The following SLC24A2 variants were observed in gnomAD, a reference collection of about 807,000 sequenced individuals.
SLC24A2 encodes the protein solute carrier family 24 member 2, also known as sodium/potassium/calcium exchanger 2.
SLC24A2 carries 36 observed loss-of-function variants against 62.0 expected under a neutral mutation model. The observed-to-expected ratio is 0.58, with a 90% CI of 0.44 to 0.77. SLC24A2 has a LOEUF of 0.77. Ranked by LOEUF, SLC24A2 falls within the 30% of genes least tolerant of loss-of-function variation. The pLI is 0.00. For synonymous variants in SLC24A2, 358 were observed against 294.0 expected, an observed-to-expected ratio of 1.22 and a Z score of -2.23; for missense variants, 846 against 817.9, an observed-to-expected ratio of 1.03 and a Z score of -0.42.
chr9:20,164,241 AG>A, the SLC24A2 span, among the ~76,000 whole-genome samples: 1 of 152,086 alleles, frequency 6.6e-6, no homozygotes, highest in African/African-American at 2.4e-5. Context: ...CATCTGACAA[AG>A]GGCTAATATC....
Position 19,649,013 on chromosome 9 carries a change from A to AAAC in SLC24A2, c.931-26715_931-26714insGTT, listed in dbSNP as rs1554691784. Among the ~76,000 whole-genome samples, 10 of 148,838 alleles carry AAAC rather than the reference A, an allele frequency of 6.7e-5. No individual in the cohort carries two copies. In the East Asian group the frequency reaches 1.9e-3, roughly 29 times the overall value. On this transcript the variant is annotated intron_variant, in intron 2 of 10. Coordinates refer to ENST00000341998, the MANE Select transcript of SLC24A2 (RefSeq NM_020344.4). Reference sequence around the variant, plus strand: ...TTTGATTAAAAACCAAAAAAAAAAAAAAAAAACAAAAAACCCAGTAATTCT... The same window carrying AAAC: ...TTTGATTAAAAACCAAAAAAAAAAAAAACAAAAAACAAAAAACCCAGTAATTCT...
chr9:19,683,647 T>C (rs1819788989), intron 2 of SLC24A2, among the ~76,000 whole-genome samples: 1 of 152,102 alleles, frequency 6.6e-6, no homozygotes, highest in Non-Finnish European at 1.5e-5. Flanking sequence ...CCACTTATTT[T>C]AAATGGAGGC....
the SLC24A2 span, among the ~76,000 whole-genome samples, chr9:20,256,022 T>C: frequency 6.6e-6 from 1 of 152,178 alleles, no homozygotes; most frequent in Non-Finnish European, 1.5e-5. Flanking sequence ...ATTCTTTATA[T>C]ATAATCCCAT....
chr9:19,616,873 C>A, intron 4 of SLC24A2, among the ~76,000 whole-genome samples: 1 of 151,396 alleles, frequency 6.6e-6, no homozygotes. Context: ...GAAAAATGGG[C>A]AGGAGTAACG....
the SLC24A2 span, among the ~76,000 whole-genome samples, chr9:19,888,497 A>T: frequency 6.6e-6 from 1 of 152,130 alleles, no homozygotes; most frequent in East Asian, 1.9e-4. Flanking sequence ...TTCCCTATTT[A>T]GAGTGATTAA....
the SLC24A2 span, among the ~76,000 whole-genome samples, chr9:19,934,194 C>T: frequency 2.6e-5 from 4 of 152,146 alleles, no homozygotes; most frequent in Non-Finnish European, 5.9e-5. This position sits in a 1 kb window ranked among gnomAD's most constrained non-coding sequence, Gnocchi z 4.1. Flanking sequence ...GCTTTTATGA[C>T]GCCTACAGCC....
chr9:19,992,213 C>T, the SLC24A2 span, among the ~76,000 whole-genome samples: 25 of 152,090 alleles, frequency 1.6e-4, no homozygotes, highest in South Asian at 8.3e-4. Context: ...CTGTATATAC[C>T]GGGGGGATGT....
the SLC24A2 span, among the ~76,000 whole-genome samples, chr9:19,882,164 G>A: frequency 6.6e-6 from 1 of 152,246 alleles, no homozygotes; most frequent in East Asian, 1.9e-4. Flanking sequence ...TTTAGAGGCT[G>A]CTGTTAAATA....
chr9:20,287,814 C>T, the SLC24A2 span, among the ~76,000 whole-genome samples: 2 of 152,300 alleles, frequency 1.3e-5, no homozygotes, highest in Non-Finnish European at 2.9e-5. Flanking sequence ...CCAGTTAATT[C>T]TTCAGTCTCA....
chr9:19,986,917 A>C, the SLC24A2 span, among the ~76,000 whole-genome samples: 19 of 152,258 alleles, frequency 1.2e-4, 1 homozygote, highest in East Asian at 2.9e-3. Context: ...GTTCAGTTTA[A>C]AATGGTTAAT....
chr9:19,525,488 T>TC (rs1326160856), intron 9 of SLC24A2, among the ~76,000 whole-genome samples: 2 of 145,868 alleles, frequency 1.4e-5, no homozygotes, highest in Non-Finnish European at 3.0e-5. Context: ...ATTGCAGCCT[T>TC]CACCTCCTGG....
At chr9:19,516,717 T>A (rs889796871) in intron 10 of SLC24A2, among the ~76,000 whole-genome samples, 2 of 152,214 alleles carry the variant, frequency 1.3e-5, no homozygotes, top group East Asian at 3.9e-4. Context: ...TCCTTCCTAG[T>A]TGAGATTAAA....
chr9:19,700,805 T>C (rs12000666), intron 2 of SLC24A2, among the ~76,000 whole-genome samples: 55,626 of 152,088 alleles, frequency 0.37, 11,707 homozygotes, highest in African/African-American at 0.59. Flanking sequence ...AACCACATGC[T>C]TTGAAATTTT....
the SLC24A2 span, among the ~76,000 whole-genome samples, chr9:19,815,194 A>T: frequency 6.6e-6 from 1 of 152,200 alleles, no homozygotes; most frequent in Non-Finnish European, 1.5e-5. Flanking sequence ...TACCCAATTC[A>T]ATTTTATGGG....
the SLC24A2 span, among the ~76,000 whole-genome samples, chr9:19,943,582 A>AAAAGAAAACTCAAG: frequency 6.6e-6 from 1 of 152,158 alleles, no homozygotes; most frequent in Non-Finnish European, 1.5e-5. Flanking sequence ...GAATCATACT[A>AAAAGAAAACTCAAG]AAAGAAAACT....
the SLC24A2 span, among the ~76,000 whole-genome samples, chr9:19,908,053 C>T: frequency 6.6e-6 from 1 of 152,182 alleles, no homozygotes; most frequent in African/African-American, 2.4e-5. Context: ...AAGAACAAAG[C>T]TGGAGGCATC....
the SLC24A2 span, among the ~76,000 whole-genome samples, chr9:20,170,138 A>G: frequency 3.5e-5 from 3 of 85,476 alleles, no homozygotes; most frequent in African/African-American, 7.7e-5. Context: ...AGACAAAAAG[A>G]AAAAAAAAAA....
At chr9:20,118,602 T>G in the SLC24A2 span, among the ~76,000 whole-genome samples, 1 of 152,048 alleles carries the variant, frequency 6.6e-6, no homozygotes, top group Non-Finnish European at 1.5e-5. Context: ...GGTATTTATA[T>G]CTACAATTCA....
chr9:19,934,142 T>A, the SLC24A2 span, among the ~76,000 whole-genome samples: 1 of 152,222 alleles, frequency 6.6e-6, no homozygotes, highest in African/African-American at 2.4e-5. The surrounding 1 kb of genome is among the most constrained non-coding windows in gnomAD (Gnocchi z 4.1). Flanking sequence ...ACCTTAATTT[T>A]AAAACAGATT....
Sources: allele counts gnomAD v4.1 joint callset (sites outside exome capture counted in the v4.1 genomes callset), GRCh38; gene constraint gnomAD v4.1.1; non-coding constraint Gnocchi (gnomAD v3.1); transcripts MANE v1.5; gene names NCBI Gene and HGNC (gene_info 2026-07-23, HGNC 2026-07-21).